The following GPRIN3 variants were observed in gnomAD, a reference collection of about 807,000 sequenced individuals.
The protein encoded by GPRIN3 is G protein-regulated inducer of neurite outgrowth 3.
A neutral mutation model predicts 13.7 loss-of-function variants in GPRIN3; 12 were observed. The observed-to-expected ratio is 0.87, with a 90% confidence interval of 0.56 to 1.42. The LOEUF (loss-of-function observed/expected upper bound fraction) is 1.42, where lower values mean the gene tolerates loss of function less well. Among genes scored for constraint, GPRIN3 ranks in the 40% most tolerant of loss-of-function variants. The probability of loss-of-function intolerance (pLI) is 0.00; values close to 1 mark genes in which losing one functional copy is unlikely to be tolerated. For missense variants in GPRIN3, 1,009 were observed against 958.7 expected, an observed-to-expected ratio of 1.05 and a Z score of -0.69; for synonymous variants, 377 against 372.7, an observed-to-expected ratio of 1.01 and a Z score of -0.13.
rs759346694 is a variant in GPRIN3, at chr4:89,292,986, T to C, written c.-124+14629A>G. Among the ~76,000 whole-genome samples the C allele has an allele frequency of 6.7e-4, 102 of 152,132 alleles. 1 individual carries two copies. Among genetic ancestry groups the C allele is most frequent in the Non-Finnish European group, 2.5e-4 (17 of 68,016 alleles). On this transcript the variant is annotated intron_variant, in intron 1 of 1. Transcript: ENST00000609438. The stretch of plus-strand genomic sequence containing the variant: ...ATGATGCATACCTTGGAGAGATGAG[T>C]TCAGTGGTAAATGACATGAATCTTG...
At chr4:89,300,869 A>T (rs1724877893) in intron 1 of GPRIN3, among the ~76,000 whole-genome samples, 5 of 152,208 alleles carry the variant, frequency 3.3e-5, no homozygotes, top group Admixed American at 1.3e-4. Context: ...TGCATTTACT[A>T]ACTTTAGCTC....
chr4:89,249,142 C>T lies in GPRIN3; in HGVS notation c.969G>A (p.Gln323=), dbSNP rs1376032883. The change falls in exon 2 of 2, where the codon CAG becomes CAA. Residue 323 remains glutamine, a synonymous_variant. Transcript: ENST00000609438. The stretch of plus-strand genomic sequence containing the variant: ...ATCTGCTCTCGACACTCGCCACTGC[C>T]TGCACCTCCGCATCTTGCCAAGCCC... The part of the protein sequence containing the change: ...PSRAWQDAEV[Q]AVASVESRSV... 6.2e-7 allele frequency: 1 copy of T among 1,614,200 alleles called. No individual in the cohort carries two copies. The highest frequency in any genetic ancestry group is 2.2e-5 in the East Asian group (1 of 44,872).
intron 1 of GPRIN3, among the ~76,000 whole-genome samples, chr4:89,281,169 G>A (rs928851731): frequency 4.6e-5 from 7 of 151,840 alleles, no homozygotes; most frequent in African/African-American, 1.5e-4. Context: ...TGTCACCCAG[G>A]CTGGAGTGCA....
Position 89,244,879 on chromosome 4 carries a change from A to C in GPRIN3, c.*2901T>G, listed in dbSNP as rs1723045852. On this transcript the variant is annotated 3_prime_UTR_variant, in exon 2 of 2. Transcript: ENST00000609438. Reference sequence around the variant, plus strand: ...ATTTCAAAAATATAATGCATGAAAAAGAACCAAATCATATCTAAGAGAAAT... The same window carrying C: ...ATTTCAAAAATATAATGCATGAAAACGAACCAAATCATATCTAAGAGAAAT... 6.6e-6 allele frequency: 1 copy of C among 152,364 alleles called. No homozygotes were observed. The highest frequency in any genetic ancestry group is 3.4e-3 in the Middle Eastern group (1 of 294). 9.4% of individuals were successfully genotyped at this position (152,364 alleles called of 1,614,324 possible). A position where few individuals can be genotyped will look rare whatever the true frequency, so the allele number is the denominator to read the frequency against.
Position 89,246,114 on chromosome 4 carries a change from T to C in GPRIN3, c.*1666A>G, listed in dbSNP as rs1005609069. 4 of 152,202 alleles carry C rather than the reference T, an allele frequency of 2.6e-5. No individual in the cohort carries two copies. Among genetic ancestry groups the C allele is most frequent in the East Asian group, 1.9e-4 (1 of 5,182 alleles). 9.4% of individuals were successfully genotyped at this position (152,202 alleles called of 1,614,324 possible). ...CAGGAATGATTTTTTTTCCTGCATA[T>C]GTTCAGAATGTGCAGAACAGAATTA... On this transcript the variant is annotated 3_prime_UTR_variant, in exon 2 of 2. Coordinates refer to ENST00000609438, the MANE Select transcript of GPRIN3 (RefSeq NM_198281.3).
chr4:89,265,524 C>T (rs760751829), intron 1 of GPRIN3, among the ~76,000 whole-genome samples: 4 of 152,092 alleles, frequency 2.6e-5, no homozygotes, highest in Admixed American at 2.0e-4. Context: ...ACTATATTTG[C>T]TCCTTGGATG....
chr4:89,237,888 G>A lies in GPRIN3; in HGVS notation c.*9892C>T, dbSNP rs979904173. 1 of 152,128 alleles carries A rather than the reference G, an allele frequency of 6.6e-6. No individual in the cohort carries two copies. The highest frequency in any genetic ancestry group is 2.4e-5 in the African/African-American group (1 of 41,430). 9.4% of individuals were successfully genotyped at this position (152,128 alleles called of 1,614,324 possible). Reference sequence around the variant, plus strand: ...AGAATGAGAACATTTGGCTGGAAACGGCACCTAATGAAACAAACACCCACT... The same window carrying A: ...AGAATGAGAACATTTGGCTGGAAACAGCACCTAATGAAACAAACACCCACT... On this transcript the variant is annotated 3_prime_UTR_variant, in exon 2 of 2. Coordinates refer to ENST00000609438, the MANE Select transcript of GPRIN3 (RefSeq NM_198281.3).
At chr4:89,260,003 C>T (rs1008378130) in intron 1 of GPRIN3, among the ~76,000 whole-genome samples, 8 of 152,120 alleles carry the variant, frequency 5.3e-5, no homozygotes, top group South Asian at 2.1e-4. Context: ...GAAGGGGTTT[C>T]GCCATGTTGG....
chr4:89,250,708 A>G (rs1450099624), intron 1 of GPRIN3: 1 of 151,190 alleles, frequency 6.6e-6, no homozygotes, highest in Non-Finnish European at 1.5e-5. Context: ...AAGTATTACA[A>G]TTTGGTGGTG....
At chr4:89,255,198 C>T (rs1374300250) in intron 1 of GPRIN3, among the ~76,000 whole-genome samples, 1 of 152,160 alleles carries the variant, frequency 6.6e-6, no homozygotes, top group Non-Finnish European at 1.5e-5. Flanking sequence ...ATCAGTTCCA[C>T]CACCTAGCTT....
intron 1 of GPRIN3, among the ~76,000 whole-genome samples, chr4:89,288,151 C>T (rs574682682): frequency 1.1e-4 from 16 of 152,220 alleles, no homozygotes; most frequent in South Asian, 4.2e-4. Flanking sequence ...GTCCCTGAGC[C>T]GTGTCTGTTT....
intron 1 of GPRIN3, among the ~76,000 whole-genome samples, chr4:89,258,257 G>T (rs1723534630): frequency 1.3e-5 from 2 of 148,316 alleles, no homozygotes; most frequent in African/African-American, 2.5e-5. Flanking sequence ...ACAGAGTCTT[G>T]CTCTGTCACC....
chr4:89,240,907 G>A lies in GPRIN3; in HGVS notation c.*6873C>T, dbSNP rs1358936453. Reference sequence around the variant, plus strand: ...GAAAATGAAAAATATATATTGATTAGCCCTTTTGAGGCTTTTGAACAACTG... The same window carrying A: ...GAAAATGAAAAATATATATTGATTAACCCTTTTGAGGCTTTTGAACAACTG... On this transcript the variant is annotated 3_prime_UTR_variant, in exon 2 of 2. Transcript: ENST00000609438. 1 of 152,034 alleles carries A rather than the reference G, an allele frequency of 6.6e-6. No homozygotes were observed. Among genetic ancestry groups the A allele is most frequent in the Admixed American group, 6.6e-5 (1 of 15,256 alleles). The allele number at this position is 152,034 out of a possible 1,614,324, so 9.4% of individuals were successfully genotyped here.
chr4:89,276,583 G>A (rs1467733456), intron 1 of GPRIN3, among the ~76,000 whole-genome samples: 1 of 152,160 alleles, frequency 6.6e-6, no homozygotes, highest in African/African-American at 2.4e-5. Context: ...GAGACATATA[G>A]CCTCCCCTCA....
chr4:89,247,917 G>A lies in GPRIN3; in HGVS notation c.2194C>T (p.Arg732Trp), dbSNP rs943578028. 36 of 1,614,014 alleles carry A rather than the reference G, an allele frequency of 2.2e-5. No homozygotes were observed. The highest frequency in any genetic ancestry group is 1.2e-4 in the African/African-American group (9 of 74,904). The change falls in exon 2 of 2, where the codon CGG (arginine) becomes TGG (tryptophan). Residue 732 changes from arginine (R) to tryptophan (W), a missense_variant. Physicochemically the swap from Arg to Trp is moderately radical, Grantham distance 101 (BLOSUM62 -3). Coordinates refer to ENST00000609438, the MANE Select transcript of GPRIN3 (RefSeq NM_198281.3). ...GAAGTATCTGAGGAAATGGATCTCCGGGTCTGGCTATTTTGAGTTTTGATT... is the reference window on the plus strand; with the variant it reads ...GAAGTATCTGAGGAAATGGATCTCCAGGTCTGGCTATTTTGAGTTTTGATT... ...KLIKTQNSQT[R>W]RSISSDTSSN...
chr4:89,307,202 C>A (rs1438178202), intron 1 of GPRIN3, among the ~76,000 whole-genome samples: 1 of 150,856 alleles, frequency 6.6e-6, no homozygotes, highest in African/African-American at 2.4e-5. Flanking sequence ...ATACATACAT[C>A]CATATGTAAT....
intron 1 of GPRIN3, among the ~76,000 whole-genome samples, chr4:89,289,006 A>G (rs546254614): frequency 6.6e-6 from 1 of 151,922 alleles, no homozygotes; most frequent in Non-Finnish European, 1.5e-5. Context: ...ACATTTTCCT[A>G]TGTCGACTTT....
At chr4:89,294,842 T>A (rs1724689363) in intron 1 of GPRIN3, among the ~76,000 whole-genome samples, 1 of 152,210 alleles carries the variant, frequency 6.6e-6, no homozygotes. Context: ...TTGTGACAAT[T>A]TATACTCACC....
At chr4:89,278,320 A>T (rs921343106) in intron 1 of GPRIN3, among the ~76,000 whole-genome samples, 3 of 152,188 alleles carry the variant, frequency 2.0e-5, no homozygotes, top group Non-Finnish European at 4.4e-5. Context: ...TTCTGTAAAA[A>T]CATGCCATTA....
Sources: gnomAD v4.1 joint callset for allele counts (sites outside exome capture counted in the v4.1 genomes callset) on GRCh38, gnomAD v4.1.1 for gene constraint, MANE v1.5 for transcripts, NCBI Gene and HGNC (gene_info 2026-07-23, HGNC 2026-07-21) for gene names.